Variants in BBS9 observed in about 807,000 individuals in gnomAD.
BBS9 encodes the protein Bardet-Biedl syndrome 9.
BBS9 carries 89 observed loss-of-function variants against 117.7 expected under a neutral mutation model. The observed-to-expected ratio is 0.76, with a 90% confidence interval of 0.64 to 0.90. The LOEUF (loss-of-function observed/expected upper bound fraction) is 0.90, where lower values mean the gene tolerates loss of function less well. Among genes scored for constraint, BBS9 ranks in the 40% least tolerant of loss-of-function variants. The probability of loss-of-function intolerance (pLI) is 0.00; values close to 1 mark genes in which losing one functional copy is unlikely to be tolerated. For missense variants in BBS9, 982 were observed against 1,042.2 expected (o/e 0.94, Z 0.80); for synonymous variants, 379 against 370.9 (o/e 1.02, Z -0.25).
chr7:33,324,997 G>C (rs960490033), intron 9 of BBS9, among the ~76,000 whole-genome samples: 1 of 152,092 alleles, frequency 6.6e-6, no homozygotes, highest in African/African-American at 2.4e-5. Context: ...TAACCTCCTT[G>C]TACTTGAATA....
At chr7:33,464,182 G>A (rs1364338420) in intron 19 of BBS9, among the ~76,000 whole-genome samples, 1 of 151,950 alleles carries the variant, frequency 6.6e-6, no homozygotes, top group Non-Finnish European at 1.5e-5. Context: ...AAAAACATTA[G>A]CTTTATTTAA....
At chr7:33,385,434 A>G (rs1296165378) in intron 18 of BBS9, among the ~76,000 whole-genome samples, 4 of 152,340 alleles carry the variant, frequency 2.6e-5, no homozygotes, top group African/African-American at 9.6e-5. Flanking sequence ...TGTAAATTTC[A>G]TGAAGGCAGA....
intron 16 of BBS9, among the ~76,000 whole-genome samples, chr7:33,361,117 A>G (rs201069291): frequency 6.6e-6 from 1 of 152,258 alleles, no homozygotes; most frequent in East Asian, 1.9e-4. Flanking sequence ...TTAGGTTTCA[A>G]TAGCCATAAT....
chr7:33,526,669 T>C (rs1051466303), intron 20 of BBS9, among the ~76,000 whole-genome samples: 5 of 144,490 alleles, frequency 3.5e-5, no homozygotes, highest in African/African-American at 1.1e-4. Context: ...TTCAAAGTTT[T>C]CAACCTCTTT....
At chr7:33,383,565 G>A (rs959201839) in intron 17 of BBS9, 101 bp from the exon 18 acceptor site, 1 of 1,061,534 alleles carries the variant, frequency 9.4e-7, no homozygotes, top group Non-Finnish European at 1.4e-6. Context: ...TTACAAAAAT[G>A]AAATCTTTGA....
intron 5 of BBS9, among the ~76,000 whole-genome samples, chr7:33,208,501 G>T (rs765937740): frequency 6.6e-6 from 1 of 152,150 alleles, no homozygotes; most frequent in African/African-American, 2.4e-5. Context: ...TTTTCCTTCT[G>T]GGGTGGTTGG....
At chr7:33,250,351 T>C (rs1347441756) in intron 5 of BBS9, among the ~76,000 whole-genome samples, 3 of 152,232 alleles carry the variant, frequency 2.0e-5, no homozygotes, top group Non-Finnish European at 4.4e-5. Context: ...ATATTGCTGT[T>C]GTTCCATATT....
intron 5 of BBS9, among the ~76,000 whole-genome samples, chr7:33,196,869 A>C (rs909100246): frequency 4.6e-5 from 7 of 152,108 alleles, no homozygotes; most frequent in African/African-American, 1.7e-4. Context: ...TCAAATAGTG[A>C]TTTCCTGTAT....
chr7:33,390,888 T>C (rs1826954433), intron 19 of BBS9, among the ~76,000 whole-genome samples: 1 of 152,194 alleles, frequency 6.6e-6, no homozygotes, highest in Admixed American at 6.5e-5. Flanking sequence ...TATGTATTAA[T>C]CTAGCTCTCT....
chr7:33,215,051 G>A (rs1005583789), intron 5 of BBS9, among the ~76,000 whole-genome samples: 2 of 152,290 alleles, frequency 1.3e-5, no homozygotes, highest in Middle Eastern at 3.4e-3. Context: ...AATTAGCTGG[G>A]CATGGTGGCG....
Position 33,152,752 on chromosome 7 carries a change from A to T in BBS9, c.164A>T (p.His55Leu). The change falls in exon 3 of 23, where the codon CAT (histidine) becomes CTT (leucine). Residue 55 changes from histidine to leucine, a missense_variant. Physicochemically the swap from His to Leu is moderately conservative, Grantham distance 99. Transcript: ENST00000242067. ...GGATACCTAAGGATCTTTAGCCCCC[A>T]TCCTGCAAAAACAGGAGATGGAGCT... ...FMGYLRIFSP[H>L]PAKTGDGAQA... is the part of the protein sequence containing the mutation. The T allele has an allele frequency of 1.9e-6, 3 of 1,613,486 alleles. No individual in the cohort carries two copies. In the South Asian group the frequency reaches 3.3e-5, roughly 18 times the overall value.
Position 33,425,567 on chromosome 7 carries a change from A to T in BBS9, c.2115+37423A>T, listed in dbSNP as rs1257222609. Among the ~76,000 whole-genome samples, 3 of 152,148 alleles carry T rather than the reference A, an allele frequency of 2.0e-5. No homozygotes were observed. In the East Asian group the frequency reaches 5.8e-4, roughly 29 times the overall value. On this transcript the variant is annotated intron_variant, in intron 19 of 22. Coordinates refer to ENST00000242067, the MANE Select transcript of BBS9 (RefSeq NM_198428.3). ...CCTCCCTGTGTCCATGTGTTCTCAT[A>T]AACAGGCACATTTTTGAGAGACAGT... is the stretch of plus-strand genomic sequence containing the variant.
At chr7:33,499,087 A>G (rs1203878921) in intron 19 of BBS9, among the ~76,000 whole-genome samples, 1 of 152,190 alleles carries the variant, frequency 6.6e-6, no homozygotes, top group African/African-American at 2.4e-5. Flanking sequence ...AGCCAAAGAA[A>G]AATATTCATA....
intron 21 of BBS9, among the ~76,000 whole-genome samples, chr7:33,623,930 G>A (rs1449052765): frequency 6.6e-6 from 1 of 151,868 alleles, no homozygotes; most frequent in Non-Finnish European, 1.5e-5. Context: ...GGGCCAGAAG[G>A]CCTGTTTTAT....
In BBS9 at chr7:33,561,652, A is replaced by G. The variant is rs74915634; in HGVS notation, c.2521+27476A>G. ...CTCTCTAAAAACTAGAGAGGAGATCATTAAAAGTGTGAATGAGAATTAAAC... is the reference window on the plus strand; with the variant it reads ...CTCTCTAAAAACTAGAGAGGAGATCGTTAAAAGTGTGAATGAGAATTAAAC... On this transcript the variant is annotated intron_variant, in intron 21 of 22. Transcript: ENST00000242067. Among the ~76,000 whole-genome samples, 292 of 152,366 alleles carry G rather than the reference A, an allele frequency of 1.9e-3. 3 individuals carry two copies. The highest frequency in any genetic ancestry group is 6.9e-3 in the African/African-American group (287 of 41,592).
At chr7:33,356,442 C>T (rs548595082) in intron 15 of BBS9, among the ~76,000 whole-genome samples, 1 of 151,692 alleles carries the variant, frequency 6.6e-6, no homozygotes, top group African/African-American at 2.4e-5. Flanking sequence ...GAAATAATAC[C>T]CTGGGACTTT....
chr7:33,607,295 G>T (rs1184670537), downstream of BBS9, among the ~76,000 whole-genome samples: 1 of 152,138 alleles, frequency 6.6e-6, no homozygotes, highest in Non-Finnish European at 1.5e-5. Context: ...AGTTTATGCT[G>T]AGAGGAAGCT....
At chr7:33,356,094 A>T (rs978118288) in intron 15 of BBS9, among the ~76,000 whole-genome samples, 3 of 151,842 alleles carry the variant, frequency 2.0e-5, no homozygotes, top group Admixed American at 2.0e-4. Context: ...TTGTTGTACT[A>T]GTCATTAAAA....
chr7:33,526,775 G>T (rs1243374002), intron 20 of BBS9, among the ~76,000 whole-genome samples: 1 of 151,792 alleles, frequency 6.6e-6, no homozygotes, highest in Non-Finnish European at 1.5e-5. Flanking sequence ...ATCCAGCTTT[G>T]TTCCGTTGCT....
Sources: gnomAD v4.1 joint callset for allele counts (sites outside exome capture counted in the v4.1 genomes callset) on GRCh38, gnomAD v4.1.1 for gene constraint, MANE v1.5 for transcripts, NCBI Gene and HGNC (gene_info 2026-07-23, HGNC 2026-07-21) for gene names.